The following PCDHAC1 variants were observed in gnomAD, a reference collection of about 807,000 sequenced individuals.
The protein encoded by PCDHAC1 is protocadherin alpha subfamily C, 1.
PCDHAC1 carries 42 observed loss-of-function variants against 60.0 expected under a neutral mutation model. That is an observed-to-expected ratio of 0.70 (90% CI 0.55 to 0.90). The LOEUF (loss-of-function observed/expected upper bound fraction) is 0.90. Among genes scored for constraint, PCDHAC1 ranks in the 40% least tolerant of loss-of-function variants. PCDHAC1 has a pLI of 0.00. For synonymous variants in PCDHAC1, 468 were observed against 499.3 expected (o/e 0.94, Z 0.84); for missense variants, 1,160 against 1,222.3 (o/e 0.95, Z 0.76).
Position 140,939,297 on chromosome 5 carries a change from T to C in PCDHAC1, c.2433+9972T>C, listed in dbSNP as rs116782192. Among the ~76,000 whole-genome samples the C allele has an allele frequency of 5.4e-3, 827 of 152,242 alleles. 3 individuals are homozygous for C. The highest frequency in any genetic ancestry group is 0.019 in the African/African-American group (796 of 41,542). ...TGTGCCCTCGTGATCTAATCATCTC[T>C]ACAAAAGCCCTACCTCCTAATATCA... On this transcript the variant is annotated intron_variant, in intron 1 of 3. Coordinates refer to ENST00000253807, the MANE Select transcript of PCDHAC1 (RefSeq NM_018898.5).
intron 1 of PCDHAC1, among the ~76,000 whole-genome samples, chr5:140,945,280 A>G (rs1482777954): frequency 6.6e-6 from 1 of 152,146 alleles, no homozygotes; most frequent in Non-Finnish European, 1.5e-5. Flanking sequence ...ACTTTAAAAC[A>G]TTGATGAAAG....
intron 1 of PCDHAC1, among the ~76,000 whole-genome samples, chr5:140,943,064 C>T (rs1352675515): frequency 1.3e-5 from 2 of 151,818 alleles, no homozygotes; most frequent in African/African-American, 4.8e-5. Context: ...CAAGAACAGC[C>T]TGACCAACAT....
At chr5:140,964,401 G>A (rs1230382796) in intron 1 of PCDHAC1, among the ~76,000 whole-genome samples, 6 of 152,166 alleles carry the variant, frequency 3.9e-5, no homozygotes, top group Admixed American at 2.0e-4. Flanking sequence ...CCCAAGACAT[G>A]ACATTTGGGG....
At chr5:140,950,080 C>G (rs528804395) in intron 1 of PCDHAC1, among the ~76,000 whole-genome samples, 2 of 151,836 alleles carry the variant, frequency 1.3e-5, no homozygotes, top group Admixed American at 1.3e-4. Context: ...ATTGCTTATG[C>G]TATAGTTTTC....
chr5:140,994,281 G>T (rs2097610222), intron 3 of PCDHAC1, among the ~76,000 whole-genome samples: 1 of 152,144 alleles, frequency 6.6e-6, no homozygotes. Flanking sequence ...CCTTTCTTGA[G>T]ACAGTCCCCA....
At chr5:140,934,511 T>C (rs999288213) in intron 1 of PCDHAC1, among the ~76,000 whole-genome samples, 1 of 152,210 alleles carries the variant, frequency 6.6e-6, no homozygotes, top group East Asian at 1.9e-4. Context: ...AAAGGGTCCA[T>C]AGACCACACT....
At chr5:140,954,577 A>T (rs1426426958) in intron 1 of PCDHAC1, among the ~76,000 whole-genome samples, 2 of 151,954 alleles carry the variant, frequency 1.3e-5, no homozygotes, top group Non-Finnish European at 1.5e-5. Flanking sequence ...TTCTTTTCAG[A>T]AGTGTCTGTT....
intron 1 of PCDHAC1, among the ~76,000 whole-genome samples, chr5:140,930,720 A>T (rs574022781): frequency 5.3e-5 from 8 of 152,226 alleles, no homozygotes; most frequent in Non-Finnish European, 8.8e-5. Flanking sequence ...TCAAGTAATG[A>T]TGTTAACTGC....
At chr5:141,005,442 G>A (rs529691807) in intron 3 of PCDHAC1, among the ~76,000 whole-genome samples, 39 of 152,092 alleles carry the variant, frequency 2.6e-4, no homozygotes, top group Middle Eastern at 3.4e-3. Context: ...AGAGGCTCAC[G>A]CCTGTAATCC....
Position 140,928,113 on chromosome 5 carries a change from G to C in PCDHAC1, c.1221G>C (p.Gln407His). The part of the protein sequence containing the change: ...LLIDGPLDRE[Q>H]ISEYQVLITA... ...TTGATGGGCCCCTGGACCGGGAGCA[G>C]ATCAGTGAATACCAAGTCCTGATCA... is the stretch of plus-strand genomic sequence containing the variant. Residue 407 changes from glutamine to histidine, a missense_variant, in exon 1 of 4, where the codon CAG becomes CAC. Gln to His is a conservative substitution (Grantham distance 24, BLOSUM62 0). Around this residue, in one of 3 missense-constraint regions of PCDHAC1, gnomAD observed 1,113 missense variants for 1,163.7 expected, o/e 0.96. Transcript: ENST00000253807. 1 of 1,614,228 alleles carries C rather than the reference G, an allele frequency of 6.2e-7. No individual in the cohort carries two copies. Among genetic ancestry groups the C allele is most frequent in the Admixed American group, 1.7e-5 (1 of 60,036 alleles).
intron 1 of PCDHAC1, chr5:140,967,008 A>C: frequency 6.2e-7 from 1 of 1,606,216 alleles, no homozygotes. Context: ...CGCATCAACC[A>C]TCTGGGTGCG....
At chr5:140,976,528 A>G (rs1238458657) in intron 1 of PCDHAC1, among the ~76,000 whole-genome samples, 1 of 152,112 alleles carries the variant, frequency 6.6e-6, no homozygotes, top group East Asian at 1.9e-4. Flanking sequence ...ACCAGCCTAA[A>G]TGACAGAGTA....
At chr5:140,952,479 A>C (rs246034) in intron 1 of PCDHAC1, among the ~76,000 whole-genome samples, 85,668 of 152,018 alleles carry the variant, frequency 0.56, 24,767 homozygotes, top group African/African-American at 0.69. Flanking sequence ...GGAAAGTGAC[A>C]TTTGCTCCAG....
chr5:140,954,824 C>T (rs1167171102), intron 1 of PCDHAC1, among the ~76,000 whole-genome samples: 2 of 152,068 alleles, frequency 1.3e-5, no homozygotes, highest in Non-Finnish European at 2.9e-5. Flanking sequence ...GCTTTAGGCA[C>T]TTTTGTCATG....
chr5:140,969,190 T>C, intron 1 of PCDHAC1: 2 of 1,614,072 alleles, frequency 1.2e-6, no homozygotes, highest in Non-Finnish European at 1.7e-6. Flanking sequence ...CTTTCATGTT[T>C]TACAATACAG....
chr5:140,942,122 G>A (rs2093234713), intron 1 of PCDHAC1, among the ~76,000 whole-genome samples: 1 of 152,064 alleles, frequency 6.6e-6, no homozygotes, highest in Non-Finnish European at 1.5e-5. Flanking sequence ...TTTATTAAAG[G>A]TGATATTTGT....
In PCDHAC1 at chr5:140,926,665, G is replaced by C; in HGVS notation, c.-228G>C. On this transcript the variant is annotated 5_prime_UTR_variant, in exon 1 of 4. Coordinates refer to ENST00000253807, the MANE Select transcript of PCDHAC1 (RefSeq NM_018898.5). ...CCCGGCCGGCTCCGCTTTCCCAGAC[G>C]GCTGCCCAGCCTCCAGCCTAGCAAG... The C allele has an allele frequency of 1.9e-6, 1 of 538,906 alleles. No homozygotes were observed. Among genetic ancestry groups the C allele is most frequent in the Non-Finnish European group, 2.9e-6 (1 of 342,120 alleles). 33.4% of individuals were successfully genotyped at this position (538,906 alleles called of 1,614,324 possible).
At position 140,929,205 on chromosome 5, in the gene PCDHAC1, G is replaced by T; in HGVS notation, c.2313G>T (p.Leu771Phe). The change falls in exon 1 of 4, where the codon TTG becomes TTT. Residue 771 changes from leucine (L) to phenylalanine (F), a missense_variant. This residue lies in a region of PCDHAC1 where 1,113 missense variants were observed against 1,163.7 expected (regional missense o/e 0.96). Transcript: ENST00000253807. ...GLGSDNNSLL[L>F]RGEYNAADLR... is the part of the protein sequence containing the mutation. ...GTTCTGATAATAACAGTTTGCTGTT[G>T]CGTGGGGAGTACAATGCTGCCGACC... The T allele has an allele frequency of 6.2e-7, 1 of 1,614,120 alleles. No homozygotes were observed. The highest frequency in any genetic ancestry group is 8.5e-7 in the Non-Finnish European group (1 of 1,180,006).
chr5:140,927,529 C>A lies in PCDHAC1; in HGVS notation c.637C>A (p.Arg213Ser). The change falls in exon 1 of 4, where the codon CGC becomes AGC. Residue 213 changes from arginine (R) to serine (S), a missense_variant. Physicochemically the swap from Arg to Ser is moderately radical, Grantham distance 110 (BLOSUM62 -1). Transcript: ENST00000253807. ...AGCTCGGGACGGCGGGCTACCTGCC[C>A]GCTCAGGAGACGCACAAGTCACCAT... ...LTARDGGLPA[R>S]SGDAQVTIIV... The A allele has an allele frequency of 6.2e-7, 1 of 1,614,098 alleles. No individual in the cohort carries two copies. The highest frequency in any genetic ancestry group is 1.1e-5 in the South Asian group (1 of 91,086).
Sources: allele counts gnomAD v4.1 joint callset (sites outside exome capture counted in the v4.1 genomes callset), GRCh38; gene constraint gnomAD v4.1.1; regional missense constraint gnomAD v4.1.1; transcripts MANE v1.5; gene names NCBI Gene and HGNC (gene_info 2026-07-23, HGNC 2026-07-21).